FARP1: variants seen among roughly 807,000 people sequenced by gnomAD.
The protein encoded by FARP1 is FERM, ARH/RhoGEF and pleckstrin domain protein 1, also known as FERM, ARHGEF and pleckstrin domain-containing protein 1.
A neutral mutation model predicts 128.8 loss-of-function variants in FARP1; 52 were observed. That is an observed-to-expected ratio of 0.40 (90% CI 0.32 to 0.51). The LOEUF (loss-of-function observed/expected upper bound fraction) is 0.51. Among genes scored for constraint, FARP1 ranks in the 20% least tolerant of loss-of-function variants. The pLI, the probability that FARP1 is intolerant of heterozygous loss-of-function variation, is 0.45. For synonymous variants in FARP1, 580 were observed against 551.8 expected, an observed-to-expected ratio of 1.05 and a Z score of -0.72; for missense variants, 1,333 against 1,367.9, an observed-to-expected ratio of 0.97 and a Z score of 0.40.
At chr13:98,246,946 C>T (rs529751871) in intron 2 of FARP1, among the ~76,000 whole-genome samples, 61 of 152,318 alleles carry the variant, frequency 4.0e-4, no homozygotes, top group African/African-American at 1.3e-3. Flanking sequence ...TGTTCCTTGG[C>T]GGGGCACAGT....
intron 1 of FARP1, among the ~76,000 whole-genome samples, chr13:98,158,596 G>A (rs1362592539): frequency 6.6e-6 from 1 of 152,122 alleles, no homozygotes; most frequent in East Asian, 1.9e-4. Context: ...ATGAACTCAG[G>A]CTCCAGGTAC....
intron 13 of FARP1, chr13:98,400,258 T>C (rs2140087870): frequency 6.6e-6 from 1 of 152,380 alleles, no homozygotes; most frequent in East Asian, 1.9e-4. Context: ...CTGCTCTGAA[T>C]GTGCATCAGA....
chr13:98,306,527 TG>T (rs66993675), intron 2 of FARP1, among the ~76,000 whole-genome samples: 10,188 of 150,816 alleles, frequency 0.068, 591 homozygotes, highest in East Asian at 0.27. Flanking sequence ...CTTTCTTTTT[TG>T]TTTTGAGAAA....
chr13:98,191,836 G>A (rs1461072150), intron 1 of FARP1, among the ~76,000 whole-genome samples: 1 of 152,180 alleles, frequency 6.6e-6, no homozygotes, highest in Non-Finnish European at 1.5e-5. Context: ...TCAGCTACTC[G>A]GGAGGCTGAA....
chr13:98,179,182 A>C (rs1345293052), intron 1 of FARP1, among the ~76,000 whole-genome samples: 2 of 151,410 alleles, frequency 1.3e-5, no homozygotes, highest in African/African-American at 4.8e-5. Context: ...CCATGGTAGA[A>C]GGTGAAAGGC....
In FARP1 at chr13:98,455,087, A is replaced by C. The variant is rs906881584; in HGVS notation, c.*6770A>C. ...AAGTGTAAAACACACACCAACTCCAAAGACGGTCCCTCCAAAAATGTAAAA... is the reference window on the plus strand; with the variant it reads ...AAGTGTAAAACACACACCAACTCCACAGACGGTCCCTCCAAAAATGTAAAA... On this transcript the variant is annotated 3_prime_UTR_variant, in exon 27 of 27. Coordinates refer to ENST00000319562, the MANE Select transcript of FARP1 (RefSeq NM_005766.4). The C allele has an allele frequency of 6.6e-6, 1 of 152,262 alleles. No individual in the cohort carries two copies. Among genetic ancestry groups the C allele is most frequent in the African/African-American group, 2.4e-5 (1 of 41,470 alleles). The allele number at this position is 152,262 out of a possible 1,614,324, so 9.4% of individuals were successfully genotyped here.
At chr13:98,304,485 C>T (rs1402778610) in intron 2 of FARP1, among the ~76,000 whole-genome samples, 2 of 152,132 alleles carry the variant, frequency 1.3e-5, no homozygotes, top group Admixed American at 6.6e-5. Flanking sequence ...GTGCAGATTC[C>T]GAGGTGGGTC....
intron 15 of FARP1, 135 bp downstream of exon 15, chr13:98,410,958 T>C (rs765314332): frequency 2.0e-5 from 10 of 501,524 alleles, no homozygotes; most frequent in East Asian, 3.0e-5. Flanking sequence ...TCCTAGGGTA[T>C]AGAAATTAAA....
chr13:98,408,938 G>C (rs372988636), intron 13 of FARP1, among the ~76,000 whole-genome samples: 1 of 152,182 alleles, frequency 6.6e-6, no homozygotes, highest in African/African-American at 2.4e-5. Flanking sequence ...TTAGATGCCT[G>C]TTAGTATAGT....
intron 2 of FARP1, among the ~76,000 whole-genome samples, chr13:98,313,596 A>G (rs9517254): frequency 0.15 from 22,251 of 152,256 alleles, 2,154 homozygotes; most frequent in Non-Finnish European, 0.22. Flanking sequence ...TTTGTCCCTA[A>G]GAAACTGATA....
chr13:98,148,270 C>G (rs949917841), intron 1 of FARP1, among the ~76,000 whole-genome samples: 21 of 152,182 alleles, frequency 1.4e-4, no homozygotes, highest in African/African-American at 4.3e-4. Context: ...CCCAGCTACT[C>G]GGGAGGCTGA....
chr13:98,378,616 C>T (rs1381314564), intron 6 of FARP1, among the ~76,000 whole-genome samples: 2 of 151,962 alleles, frequency 1.3e-5, no homozygotes, highest in Admixed American at 1.3e-4. Context: ...TACATTTCCA[C>T]TGTATATGAA....
At chr13:98,446,354 C>T (rs1387466658) in intron 25 of FARP1, 149 bp downstream of exon 25, 3 of 617,144 alleles carry the variant, frequency 4.9e-6, no homozygotes, top group Non-Finnish European at 5.8e-6. Flanking sequence ...CCCTGTCCAC[C>T]CGAGGCCCTC....
chr13:98,156,753 T>C (rs1876522190), intron 1 of FARP1, among the ~76,000 whole-genome samples: 1 of 151,616 alleles, frequency 6.6e-6, no homozygotes, highest in Non-Finnish European at 1.5e-5. Context: ...AAAGAGACAG[T>C]GTTTTGCTGT....
intron 6 of FARP1, chr13:98,384,342 G>A (rs558789846): frequency 8.3e-4 from 151 of 181,870 alleles, no homozygotes; most frequent in Non-Finnish European, 1.5e-3. Context: ...ACAGGTGCCC[G>A]CCACCGTACC....
In FARP1 at chr13:98,430,893, T is replaced by C. The variant is rs369291807; in HGVS notation, c.1906-150T>C. 340 of 605,518 alleles carry C rather than the reference T, an allele frequency of 5.6e-4. 1 individual carries two copies. The Middle Eastern group carries it at 0.017, about 31-fold the overall frequency. The allele number at this position is 605,518 out of a possible 1,614,324, so 37.5% of individuals were successfully genotyped here. ...AACTTAAGTGAAATAACAAAAAGAG[T>C]GAACTATGAACAATGTGAAATTTAA... On this transcript the variant is annotated intron_variant, in intron 17 of 26. Coordinates refer to ENST00000319562, the MANE Select transcript of FARP1 (RefSeq NM_005766.4).
intron 1 of FARP1, among the ~76,000 whole-genome samples, chr13:98,164,493 A>T (rs1302160907): frequency 6.6e-6 from 1 of 152,348 alleles, no homozygotes; most frequent in Non-Finnish European, 1.5e-5. Flanking sequence ...CCCTTGGCTT[A>T]AGATTCTTTT....
rs1893070162 is a variant in FARP1 at position 98,449,343 on chromosome 13, A to AT, written c.*1028dup. The AT allele has an allele frequency of 6.6e-6, 1 of 152,018 alleles. No homozygotes were observed. Among genetic ancestry groups the AT allele is most frequent in the Admixed American group, 6.5e-5 (1 of 15,272 alleles). The allele number at this position is 152,018 out of a possible 1,614,324, so 9.4% of individuals were successfully genotyped here. A position where few individuals can be genotyped will look rare whatever the true frequency, so the allele number is the denominator to read the frequency against. On this transcript the variant is annotated 3_prime_UTR_variant, in exon 27 of 27. Transcript: ENST00000319562. ...CAAAAACATTTCCCTTTTTATACTC[A>AT]TTCCCCCCAGGCATGGGGTAGTGTC...
chr13:98,401,152 A>T (rs775189436), intron 13 of FARP1: 25 of 152,204 alleles, frequency 1.6e-4, no homozygotes. Context: ...GAAAGGTACG[A>T]TTGAATGAAC....
Sources: allele counts gnomAD v4.1 joint callset (sites outside exome capture counted in the v4.1 genomes callset), GRCh38; gene constraint gnomAD v4.1.1; transcripts MANE v1.5; gene names NCBI Gene and HGNC (gene_info 2026-07-23, HGNC 2026-07-21).